Variants in DNAJB1 observed in about 807,000 individuals in gnomAD.
The protein encoded by DNAJB1 is DnaJ heat shock protein family (Hsp40) member B1, also known as dnaJ homolog subfamily B member 1.
DNAJB1 carries 14 observed loss-of-function variants against 24.0 expected under a neutral mutation model. The ratio of observed to expected loss-of-function variants is 0.58; its 90% CI spans 0.39 to 0.91. The LOEUF (loss-of-function observed/expected upper bound fraction) is 0.91, where lower values mean the gene tolerates loss of function less well. Among genes scored for constraint, DNAJB1 ranks in the 40% least tolerant of loss-of-function variants. DNAJB1 has a pLI of 0.00. For missense variants in DNAJB1, 517 were observed against 458.1 expected, an observed-to-expected ratio of 1.13 and a Z score of -1.17; for synonymous variants, 262 against 174.4, an observed-to-expected ratio of 1.50 and a Z score of -3.96.
chr19:14,542,904 C>T lies in DNAJB1; in HGVS notation c.-214+7304G>A, dbSNP rs143945164. 2.1e-3 allele frequency among the ~76,000 whole-genome samples: 320 copies of T among 152,098 alleles called. 1 individual carries two copies. The highest frequency in any genetic ancestry group is 6.9e-3 in the Middle Eastern group (2 of 290). ...CCTCTGTCCCTGCTCGAATCAGGCT[C>T]TTACGTAAGCAGAGCCCACCAGCCA... On this transcript the variant is annotated intron_variant, in intron 1 of 3. Coordinates refer to the DNAJB1 transcript ENST00000676982.
At chr19:14,518,481 G>GCCC (rs1160077853), upstream of DNAJB1, 12 of 577,158 alleles carry the variant, frequency 2.1e-5, no homozygotes, top group African/African-American at 1.1e-4. Flanking sequence ...CTTCCGCCCC[G>GCCC]CCCGCCCCCG....
intron 1 of DNAJB1, 121 bp downstream of exon 1, chr19:14,518,018 G>A: frequency 3.6e-6 from 4 of 1,099,650 alleles, no homozygotes; most frequent in Non-Finnish European, 4.8e-6. Flanking sequence ...GCCGGAGGGC[G>A]GGGCAGCTCG....
intron 1 of DNAJB1, among the ~76,000 whole-genome samples, chr19:14,547,177 A>G (rs905113816): frequency 6.6e-6 from 1 of 152,146 alleles, no homozygotes; most frequent in Non-Finnish European, 1.5e-5. Flanking sequence ...GGATAATGGT[A>G]GGTTTCAAAT....
chr19:14,543,197 C>T (rs2073160394), intron 1 of DNAJB1, among the ~76,000 whole-genome samples: 1 of 148,956 alleles, frequency 6.7e-6, no homozygotes, highest in Non-Finnish European at 1.5e-5. Flanking sequence ...TTTCCCCAGA[C>T]ACCTCAAGTG....
upstream of DNAJB1, among the ~76,000 whole-genome samples, chr19:14,552,768 C>T (rs1328728344): frequency 1.3e-5 from 2 of 151,772 alleles, no homozygotes; most frequent in African/African-American, 2.4e-5. Context: ...GATCTCCTGA[C>T]CTCGTGATCC....
chr19:14,526,804 A>G (rs1235478856), intron 2 of DNAJB1, among the ~76,000 whole-genome samples: 1 of 152,154 alleles, frequency 6.6e-6, no homozygotes, highest in Non-Finnish European at 1.5e-5. Flanking sequence ...GAAAATTTGC[A>G]TAACTGGTGA....
rs1555725397 is a variant in DNAJB1 at position 14,515,953 on chromosome 19, A to G, written c.1010T>C (p.Val337Ala). 4 of 1,608,216 alleles carry G rather than the reference A, an allele frequency of 2.5e-6. No individual in the cohort carries two copies. The highest frequency in any genetic ancestry group is 3.4e-6 in the Non-Finnish European group (4 of 1,178,742). Residue 337 changes from valine to alanine, a missense_variant, in exon 3 of 3, where the codon GTT (valine) becomes GCT (alanine). Transcript: ENST00000254322. The part of the protein sequence containing the change: ...PQTSRTVLEQ[V>A]LPI The stretch of plus-strand genomic sequence containing the variant: ...GAGCTCAGATAGCTATATTGGAAGA[A>G]CCTGCTCAAGTACGGTTCTTGATGT...
upstream of DNAJB1, chr19:14,529,727 C>A: frequency 6.2e-7 from 1 of 1,614,066 alleles, no homozygotes; most frequent in Non-Finnish European, 8.5e-7. Flanking sequence ...AAGCGAGAAA[C>A]AGGGGCCGTG....
chr19:14,529,647 G>A (rs766073566), upstream of DNAJB1: 2 of 1,613,512 alleles, frequency 1.2e-6, no homozygotes, highest in Non-Finnish European at 1.7e-6. Context: ...GCTGTGCCGC[G>A]CAGTTAGGCA....
chr19:14,529,877 T>C, upstream of DNAJB1: 1 of 896,214 alleles, frequency 1.1e-6, no homozygotes, highest in Admixed American at 2.3e-5. Context: ...TAAATTCCAA[T>C]GCGCATGTGC....
chr19:14,553,240 C>T (rs924593625), upstream of DNAJB1, among the ~76,000 whole-genome samples: 2 of 152,170 alleles, frequency 1.3e-5, no homozygotes, highest in East Asian at 1.9e-4. Flanking sequence ...CTCCGGGTCC[C>T]GGGCTACCGC....
At chr19:14,558,432 G>T (rs954247489) in intron 1 of DNAJB1, among the ~76,000 whole-genome samples, 1 of 152,120 alleles carries the variant, frequency 6.6e-6, no homozygotes, top group Non-Finnish European at 1.5e-5. Flanking sequence ...TGCGCTTCAC[G>T]CCGCACCGTG....
At chr19:14,553,757 C>T (rs908488273), upstream of DNAJB1, among the ~76,000 whole-genome samples, 7 of 152,122 alleles carry the variant, frequency 4.6e-5, no homozygotes, top group African/African-American at 1.4e-4. Context: ...CATGATCGGG[C>T]CAGGCCTCCG....
At chr19:14,550,364 C>T (rs2073455251), upstream of DNAJB1, among the ~76,000 whole-genome samples, 2 of 152,130 alleles carry the variant, frequency 1.3e-5, no homozygotes, top group African/African-American at 2.4e-5. Context: ...GCAAGCTGAG[C>T]TCATGGGGGT....
At chr19:14,547,193 A>C (rs1262664684) in intron 1 of DNAJB1, among the ~76,000 whole-genome samples, 1 of 152,138 alleles carries the variant, frequency 6.6e-6, no homozygotes, top group Non-Finnish European at 1.5e-5. Context: ...CAAATTACTG[A>C]AGCATTTAGA....
At chr19:14,550,954 G>C (rs941442109), upstream of DNAJB1, among the ~76,000 whole-genome samples, 10 of 151,858 alleles carry the variant, frequency 6.6e-5, no homozygotes, top group African/African-American at 2.4e-4. Flanking sequence ...TTACAGGCAT[G>C]AACTACCACA....
At chr19:14,555,988 C>G (rs1269667929) in intron 1 of DNAJB1, among the ~76,000 whole-genome samples, 1 of 152,164 alleles carries the variant, frequency 6.6e-6, no homozygotes, top group Admixed American at 6.5e-5. Context: ...CTGGGGAAGC[C>G]AAGTCTTGAA....
chr19:14,517,925 G>C lies in DNAJB1; in HGVS notation c.211+214C>G, dbSNP rs555753294. The C allele has an allele frequency of 1.7e-3, 778 of 466,540 alleles. 1 individual carries two copies. The highest frequency in any genetic ancestry group is 3.9e-3 in the Middle Eastern group (7 of 1,808). 28.9% of individuals were successfully genotyped at this position (466,540 alleles called of 1,614,324 possible). A position where few individuals can be genotyped will look rare whatever the true frequency, so the allele number is the denominator to read the frequency against. The stretch of plus-strand genomic sequence containing the variant: ...CCCGGGGAGGGGCAGCCCCAGACAT[G>C]CTAGAAGCTTCTGGCCGAGCGGCTG... On this transcript the variant is annotated intron_variant, in intron 1 of 2. Transcript: ENST00000254322.
At chr19:14,546,397 G>C (rs2073308296) in intron 1 of DNAJB1, among the ~76,000 whole-genome samples, 1 of 152,088 alleles carries the variant, frequency 6.6e-6, no homozygotes, top group South Asian at 2.1e-4. Flanking sequence ...GACCAGCCTG[G>C]TCAACATGCT....
Sources: allele counts gnomAD v4.1 joint callset (sites outside exome capture counted in the v4.1 genomes callset), GRCh38; gene constraint gnomAD v4.1.1; transcripts MANE v1.5; gene names NCBI Gene and HGNC (gene_info 2026-07-23, HGNC 2026-07-21).